Variants in CEP126 observed in about 807,000 individuals in gnomAD.
CEP126 encodes the protein centrosomal protein 126, also known as centrosomal protein of 126 kDa.
CEP126 carries 74 observed loss-of-function variants against 107.8 expected under a neutral mutation model. The observed-to-expected ratio is 0.69, with a 90% confidence interval of 0.57 to 0.83. The LOEUF is 0.83. Among genes scored for constraint, CEP126 ranks in the 40% least tolerant of loss-of-function variants. CEP126 has a pLI of 0.00. For missense variants in CEP126, 1,237 were observed against 1,281.9 expected (o/e 0.96, Z 0.53); for synonymous variants, 449 against 446.0 (o/e 1.01, Z -0.08).
intron 1 of CEP126, 77 bp downstream of exon 1, chr11:101,915,489 T>G: frequency 6.5e-7 from 1 of 1,529,866 alleles, no homozygotes; most frequent in Non-Finnish European, 8.9e-7. Context: ...AGATTCCCAT[T>G]ACCTTTGACG....
At chr11:101,957,604 C>CTGAAAATAAGTGAGTACT (rs148638520) in intron 4 of CEP126, among the ~76,000 whole-genome samples, 8,339 of 152,078 alleles carry the variant, frequency 0.055, 445 homozygotes, top group East Asian at 0.26. Flanking sequence ...CCTGAAATAA[C>CTGAAAATAAGTGAGTACT]TGAAAATAAG....
intron 6 of CEP126, among the ~76,000 whole-genome samples, chr11:101,967,090 G>A (rs1013847033): frequency 2.8e-5 from 4 of 144,722 alleles, no homozygotes; most frequent in Non-Finnish European, 4.5e-5. Flanking sequence ...GCGCAGTGGC[G>A]TGATCATGGC....
chr11:101,986,842 T>C lies in CEP126; in HGVS notation c.3045T>C (p.Ser1015=). ...TGTAAGTTTCTGTAGTTTCAGATAGTACTTCTGAGTTTTTGATGGCTGAAA... is the reference window on the plus strand; with the variant it reads ...TGTAAGTTTCTGTAGTTTCAGATAGCACTTCTGAGTTTTTGATGGCTGAAA... The part of the protein sequence containing the change: ...GTSYIEEVSD[S]TSEFLMAENL... Residue 1015 remains serine (S), a synonymous_variant, in exon 9 of 11, where the codon AGT becomes AGC. Coordinates refer to ENST00000263468, the MANE Select transcript of CEP126 (RefSeq NM_020802.4). 2 of 1,613,332 alleles carry C rather than the reference T, an allele frequency of 1.2e-6. No individual in the cohort carries two copies. The highest frequency in any genetic ancestry group is 2.2e-5 in the East Asian group (1 of 44,774).
At chr11:101,990,747 C>G (rs1941369184) in intron 9 of CEP126, among the ~76,000 whole-genome samples, 1 of 151,850 alleles carries the variant, frequency 6.6e-6, no homozygotes, top group South Asian at 2.1e-4. Context: ...AAAGAGAGAT[C>G]CCTTCTACTG....
chr11:101,990,482 G>A (rs940815972), intron 9 of CEP126, among the ~76,000 whole-genome samples: 1 of 152,056 alleles, frequency 6.6e-6, no homozygotes, highest in African/African-American at 2.4e-5. Context: ...CACATTCCCG[G>A]GCCAAAACCA....
At chr11:101,933,242 A>T (rs1360595986) in intron 2 of CEP126, among the ~76,000 whole-genome samples, 1 of 152,218 alleles carries the variant, frequency 6.6e-6, no homozygotes, top group Non-Finnish European at 1.5e-5. Flanking sequence ...AGCAATGCAG[A>T]AAAGTAAGTA....
At chr11:101,920,382 T>C (rs1161142921) in intron 1 of CEP126, among the ~76,000 whole-genome samples, 1 of 152,204 alleles carries the variant, frequency 6.6e-6, no homozygotes, top group Admixed American at 6.5e-5. Context: ...GTATTCTGTT[T>C]TACCATTAAT....
chr11:101,962,355 T>C lies in CEP126; in HGVS notation c.1320T>C (p.Tyr440=), dbSNP rs150679219. Residue 440 remains tyrosine, a synonymous_variant, in exon 6 of 11, where the codon TAT becomes TAC. Coordinates refer to ENST00000263468, the MANE Select transcript of CEP126 (RefSeq NM_020802.4). ...EVATFPDQEK[Y]SELNQENGTT... ...CTACATTTCCAGACCAAGAGAAATA[T>C]TCTGAATTAAATCAAGAAAATGGAA... The C allele has an allele frequency of 6.2e-7, 1 of 1,613,782 alleles. No homozygotes were observed. Among genetic ancestry groups the C allele is most frequent in the African/African-American group, 1.3e-5 (1 of 75,038 alleles).
At chr11:101,993,755 T>C (rs1941412067) in intron 10 of CEP126, among the ~76,000 whole-genome samples, 1 of 152,200 alleles carries the variant, frequency 6.6e-6, no homozygotes, top group African/African-American at 2.4e-5. Flanking sequence ...TTCTAACTGG[T>C]GTAAGATGTT....
Position 101,981,374 on chromosome 11 carries a change from A to G in CEP126, c.2959-515A>G, listed in dbSNP as rs182787027. 2.8e-3 allele frequency among the ~76,000 whole-genome samples: 427 copies of G among 152,120 alleles called. 6 individuals carry two copies. Among genetic ancestry groups the G allele is most frequent in the Admixed American group, 2.1e-3 (32 of 15,274 alleles). Reference sequence around the variant, plus strand: ...AGTGGCACAGTCTCAGCTCACTGCAACCTCCATCTCCTGGGTTCAAGTGAT... The same window carrying G: ...AGTGGCACAGTCTCAGCTCACTGCAGCCTCCATCTCCTGGGTTCAAGTGAT... On this transcript the variant is annotated intron_variant, in intron 7 of 10. Coordinates refer to ENST00000263468, the MANE Select transcript of CEP126 (RefSeq NM_020802.4).
At chr11:101,925,916 A>G (rs1481569682) in intron 2 of CEP126, among the ~76,000 whole-genome samples, 1 of 150,806 alleles carries the variant, frequency 6.6e-6, no homozygotes, top group African/African-American at 2.4e-5. Flanking sequence ...CGGCCTCCCA[A>G]ACTGCTGGGA....
intron 3 of CEP126, among the ~76,000 whole-genome samples, chr11:101,946,925 T>A (rs535656801): frequency 6.6e-6 from 1 of 152,256 alleles, no homozygotes; most frequent in East Asian, 1.9e-4. Flanking sequence ...AAAACCTTAT[T>A]TTAAACATTC....
intron 2 of CEP126, among the ~76,000 whole-genome samples, chr11:101,936,350 A>G (rs912575477): frequency 4.5e-4 from 69 of 152,114 alleles, no homozygotes; most frequent in Non-Finnish European, 8.7e-4. Context: ...AATTTATTTA[A>G]ATTTCATTTC....
rs770988006 is a variant in CEP126, at chr11:101,962,352, AT to A, written c.1318del (p.Tyr440IlefsTer4). On this transcript the variant is annotated frameshift_variant, in exon 6 of 11. Transcript: ENST00000263468. LOFTEE classifies it high-confidence loss of function. ...TGGCTACATTTCCAGACCAAGAGAAATATTCTGAATTAAATCAAGAAAATGG... is the reference window on the plus strand; with the variant it reads ...TGGCTACATTTCCAGACCAAGAGAAAATTCTGAATTAAATCAAGAAAATGG... ...EVATFPDQEK[Y>X]SELNQENGTT... The A allele has an allele frequency of 6.2e-7, 1 of 1,613,760 alleles. No individual in the cohort carries two copies. Among genetic ancestry groups the A allele is most frequent in the Non-Finnish European group, 8.5e-7 (1 of 1,179,858 alleles).
chr11:101,975,507 C>T (rs568407926), intron 6 of CEP126, among the ~76,000 whole-genome samples: 129 of 152,318 alleles, frequency 8.5e-4, no homozygotes, highest in African/African-American at 2.8e-3. Context: ...CCCAGCTTTG[C>T]CCCTTACTGG....
chr11:101,922,534 C>T (rs1004594584), intron 1 of CEP126, 107 bp from the exon 2 acceptor site: 20 of 866,442 alleles, frequency 2.3e-5, no homozygotes, highest in Non-Finnish European at 3.6e-5. Context: ...TCCACAAAAA[C>T]TATCATTACA....
At chr11:101,961,451 T>G (rs1267787183) in intron 5 of CEP126, among the ~76,000 whole-genome samples, 1 of 152,106 alleles carries the variant, frequency 6.6e-6, no homozygotes, top group South Asian at 2.1e-4. Context: ...CTAAATGGAA[T>G]AGCAATAACA....
chr11:101,972,270 C>CA (rs1941139426), intron 6 of CEP126, among the ~76,000 whole-genome samples: 1 of 144,546 alleles, frequency 6.9e-6, no homozygotes, highest in African/African-American at 2.6e-5. Flanking sequence ...ATTAAAAATA[C>CA]AAAAAATTAG....
intron 2 of CEP126, among the ~76,000 whole-genome samples, chr11:101,943,545 T>TAC (rs150953622): frequency 0.027 from 3,996 of 148,722 alleles, 148 homozygotes; most frequent in African/African-American, 0.084. Flanking sequence ...TATTGAATCA[T>TAC]ACACACACAC....
Sources: allele counts gnomAD v4.1 joint callset (sites outside exome capture counted in the v4.1 genomes callset), GRCh38; gene constraint gnomAD v4.1.1; transcripts MANE v1.5; gene names NCBI Gene and HGNC (gene_info 2026-07-23, HGNC 2026-07-21).